PACSIN2: variants seen among roughly 807,000 people sequenced by gnomAD.
PACSIN2 encodes protein kinase C and casein kinase substrate in neurons protein 2.
A neutral mutation model predicts 63.8 loss-of-function variants in PACSIN2; 25 were observed. The ratio of observed to expected loss-of-function variants is 0.39; its 90% CI spans 0.29 to 0.55. The LOEUF is 0.55. PACSIN2 is among the 20% of genes least tolerant of loss of function. The pLI, the probability that PACSIN2 is intolerant of heterozygous loss-of-function variation, is 0.62. For synonymous variants in PACSIN2, 255 were observed against 256.2 expected, an observed-to-expected ratio of 1.00 and a Z score of 0.05; for missense variants, 518 against 646.9, an observed-to-expected ratio of 0.80 and a Z score of 2.16.
At chr22:42,948,434 C>A (rs1933528878) in intron 1 of PACSIN2, among the ~76,000 whole-genome samples, 1 of 152,176 alleles carries the variant, frequency 6.6e-6, no homozygotes, top group African/African-American at 2.4e-5. Flanking sequence ...TACCTAAATA[C>A]CTTCTCAACC....
chr22:42,893,053 G>C (rs1216371762), intron 3 of PACSIN2, among the ~76,000 whole-genome samples: 1 of 152,212 alleles, frequency 6.6e-6, no homozygotes, highest in Non-Finnish European at 1.5e-5. Flanking sequence ...AGACTGCCAG[G>C]TGTTGCCAGC....
At chr22:42,962,087 T>G (rs538603234) in intron 1 of PACSIN2, among the ~76,000 whole-genome samples, 48 of 152,064 alleles carry the variant, frequency 3.2e-4, no homozygotes, top group Non-Finnish European at 7.4e-5. Context: ...GAAGCAAGTT[T>G]GAGACCAGCC....
chr22:42,981,474 G>A (rs1299492315), intron 1 of PACSIN2, among the ~76,000 whole-genome samples: 1 of 72,234 alleles, frequency 1.4e-5, no homozygotes, highest in Non-Finnish European at 2.5e-5. Flanking sequence ...CCGTCCGGGA[G>A]GGAGGCGGCG....
At chr22:42,993,082 G>A (rs908833685) in intron 1 of PACSIN2, among the ~76,000 whole-genome samples, 1 of 151,842 alleles carries the variant, frequency 6.6e-6, no homozygotes, top group Non-Finnish European at 1.5e-5. Context: ...TGGGAAGCAG[G>A]AGAATCACTT....
At chr22:42,932,695 A>C (rs1211371937) in intron 1 of PACSIN2, among the ~76,000 whole-genome samples, 1 of 152,108 alleles carries the variant, frequency 6.6e-6, no homozygotes, top group Non-Finnish European at 1.5e-5. Context: ...TTAACTACAA[A>C]TGTTTATTGA....
intron 1 of PACSIN2, among the ~76,000 whole-genome samples, chr22:42,977,339 C>A (rs1206325971): frequency 6.6e-6 from 1 of 151,826 alleles, no homozygotes; most frequent in Non-Finnish European, 1.5e-5. Flanking sequence ...AAATTCAAAA[C>A]AATCCAGTAG....
At chr22:42,898,504 C>T (rs1930450767) in intron 2 of PACSIN2, among the ~76,000 whole-genome samples, 1 of 152,146 alleles carries the variant, frequency 6.6e-6, no homozygotes, top group South Asian at 2.1e-4. Context: ...CTCCCGAACT[C>T]AGGTGATCTG....
chr22:42,996,083 G>A (rs1923378118), intron 1 of PACSIN2, among the ~76,000 whole-genome samples: 1 of 152,080 alleles, frequency 6.6e-6, no homozygotes, highest in Admixed American at 6.6e-5. Flanking sequence ...AGCTGGGCGT[G>A]GTGGTGGGCG....
chr22:43,007,485 G>C (rs1924169088), intron 1 of PACSIN2, among the ~76,000 whole-genome samples: 1 of 152,066 alleles, frequency 6.6e-6, no homozygotes, highest in South Asian at 2.1e-4. Context: ...CAAAGTGTTG[G>C]GATTACAGGC....
Position 42,979,080 on chromosome 22 carries a change from A to G in PACSIN2, c.-78+35941T>C, listed in dbSNP as rs147821351. Among the ~76,000 whole-genome samples, 648 of 152,310 alleles carry G rather than the reference A, an allele frequency of 4.3e-3. 3 individuals are homozygous for G. The highest frequency in any genetic ancestry group is 0.015 in the African/African-American group (612 of 41,546). ...GCAGTATAGCACAGACAACAGGGGT[A>G]CTACAAAGCTCCATTGCCTAGGAGA... is the stretch of plus-strand genomic sequence containing the variant. On this transcript the variant is annotated intron_variant, in intron 1 of 10. Transcript: ENST00000263246.
At chr22:42,969,922 G>A (rs200485201) in intron 1 of PACSIN2, among the ~76,000 whole-genome samples, 2 of 148,048 alleles carry the variant, frequency 1.4e-5, no homozygotes, top group Admixed American at 6.7e-5. Context: ...AAAAGAAAAA[G>A]AAAAAAAAAA....
At chr22:42,872,008 G>A (rs1021034169) in intron 10 of PACSIN2, among the ~76,000 whole-genome samples, 7 of 152,280 alleles carry the variant, frequency 4.6e-5, no homozygotes, top group Non-Finnish European at 8.8e-5. Context: ...ACTTGTGCAC[G>A]GTGCCATGTG....
chr22:42,957,580 A>T (rs1933965336), intron 1 of PACSIN2, among the ~76,000 whole-genome samples: 1 of 152,204 alleles, frequency 6.6e-6, no homozygotes, highest in African/African-American at 2.4e-5. Flanking sequence ...TGATTCTGGA[A>T]AATTGTGAGT....
At chr22:42,890,296 G>A (rs1220267914) in intron 4 of PACSIN2, among the ~76,000 whole-genome samples, 1 of 152,136 alleles carries the variant, frequency 6.6e-6, no homozygotes, top group Non-Finnish European at 1.5e-5. Context: ...CACCGCGCCC[G>A]GCAAGGACTT....
chr22:42,876,742 T>C (rs1928660834), intron 9 of PACSIN2, 146 bp downstream of exon 9: 2 of 955,052 alleles, frequency 2.1e-6, no homozygotes, highest in East Asian at 4.8e-5. Context: ...GAGCAGGTAG[T>C]GGGCCAGGGT....
intron 1 of PACSIN2, among the ~76,000 whole-genome samples, chr22:42,962,954 G>A (rs1237991777): frequency 2.0e-5 from 3 of 152,146 alleles, no homozygotes; most frequent in Non-Finnish European, 4.4e-5. Context: ...AGACAAGACT[G>A]ACTCAGGCAG....
intron 1 of PACSIN2, among the ~76,000 whole-genome samples, chr22:42,962,017 G>A (rs918345049): frequency 2.6e-5 from 4 of 152,040 alleles, no homozygotes; most frequent in African/African-American, 7.2e-5. Flanking sequence ...AGAGTGCCAC[G>A]CCCGCCACAG....
intron 1 of PACSIN2, among the ~76,000 whole-genome samples, chr22:42,967,238 T>G (rs1225343856): frequency 6.6e-6 from 1 of 152,132 alleles, no homozygotes; most frequent in Non-Finnish European, 1.5e-5. Flanking sequence ...CTGCTGCACC[T>G]CTGGCTGTGG....
At chr22:42,966,110 G>A (rs1192987910) in intron 1 of PACSIN2, among the ~76,000 whole-genome samples, 1 of 152,138 alleles carries the variant, frequency 6.6e-6, no homozygotes, top group Non-Finnish European at 1.5e-5. Flanking sequence ...GGTGGCTCAC[G>A]CCTGTAATCC....
Sources: gnomAD v4.1 joint callset for allele counts (sites outside exome capture counted in the v4.1 genomes callset) on GRCh38, gnomAD v4.1.1 for gene constraint, MANE v1.5 for transcripts, NCBI Gene and HGNC (gene_info 2026-07-23, HGNC 2026-07-21) for gene names.